The following SPAG16 variants were observed in gnomAD, a reference collection of about 807,000 sequenced individuals.
SPAG16 encodes sperm-associated antigen 16 protein.
Under a neutral mutation model 80.4 loss-of-function variants are expected in SPAG16, and 86 were observed. The ratio of observed to expected loss-of-function variants is 1.07; its 90% CI spans 0.90 to 1.28. The LOEUF is 1.28. SPAG16 is among the 50% of genes most tolerant of loss of function. The pLI is 0.00. For synonymous variants in SPAG16, 294 were observed against 265.9 expected (o/e 1.11, Z -1.03); for missense variants, 870 against 765.3 (o/e 1.14, Z -1.61).
intron 13 of SPAG16, among the ~76,000 whole-genome samples, chr2:214,095,397 A>G (rs947006518): frequency 6.6e-6 from 1 of 152,082 alleles, no homozygotes; most frequent in South Asian, 2.1e-4. Context: ...ACACGTGTCT[A>G]TCATACACGG....
chr2:214,197,976 T>C (rs945328198), intron 15 of SPAG16, among the ~76,000 whole-genome samples: 2 of 151,982 alleles, frequency 1.3e-5, no homozygotes, highest in African/African-American at 2.4e-5. Flanking sequence ...TGGGTGAAAA[T>C]GGCCCAAGGT....
intron 10 of SPAG16, among the ~76,000 whole-genome samples, chr2:213,625,949 CAA>C (rs1186040767): frequency 1.3e-5 from 2 of 152,098 alleles, no homozygotes; most frequent in African/African-American, 4.8e-5. Flanking sequence ...CTCGGTCTCC[CAA>C]AGTGCTGAGA....
chr2:213,862,659 A>T (rs761043600), intron 11 of SPAG16, 31 bp downstream of exon 11: 5 of 1,611,810 alleles, frequency 3.1e-6, no homozygotes, highest in Non-Finnish European at 4.2e-6. Flanking sequence ...GAAATAGCCT[A>T]ATCTCTCTAG....
At chr2:213,677,589 C>G (rs1031422073) in intron 10 of SPAG16, among the ~76,000 whole-genome samples, 4 of 152,000 alleles carry the variant, frequency 2.6e-5, no homozygotes, top group Non-Finnish European at 4.4e-5. Context: ...ATATATGCAC[C>G]CAATACAGGA....
chr2:214,027,571 A>G (rs2048198559), intron 13 of SPAG16, among the ~76,000 whole-genome samples: 1 of 151,824 alleles, frequency 6.6e-6, no homozygotes, highest in South Asian at 2.1e-4. Flanking sequence ...AGGATCTATA[A>G]GATGTTGACA....
intron 10 of SPAG16, among the ~76,000 whole-genome samples, chr2:213,834,595 G>A (rs1184526259): frequency 6.6e-6 from 1 of 152,070 alleles, no homozygotes; most frequent in African/African-American, 2.4e-5. Context: ...AGGTTTTATG[G>A]CTTGCTTTGT....
At chr2:214,260,692 G>A (rs28610955) in intron 15 of SPAG16, among the ~76,000 whole-genome samples, 51 of 152,222 alleles carry the variant, frequency 3.4e-4, no homozygotes, top group African/African-American at 1.2e-3. Flanking sequence ...CTGTTATCAT[G>A]TTTCTAATTT....
At chr2:213,676,006 T>C (rs894344716) in intron 10 of SPAG16, among the ~76,000 whole-genome samples, 46 of 152,224 alleles carry the variant, frequency 3.0e-4, no homozygotes, top group Non-Finnish European at 7.3e-5. Context: ...TATTGATTCT[T>C]CCTACCCATG....
intron 11 of SPAG16, among the ~76,000 whole-genome samples, chr2:213,922,067 C>A (rs2078249660): frequency 6.6e-6 from 1 of 152,084 alleles, no homozygotes; most frequent in Non-Finnish European, 1.5e-5. Context: ...GAATGTTGGT[C>A]TCTCTAGCAA....
intron 15 of SPAG16, among the ~76,000 whole-genome samples, chr2:214,267,938 A>G (rs1691701866): frequency 6.6e-6 from 1 of 151,926 alleles, no homozygotes; most frequent in Non-Finnish European, 1.5e-5. Flanking sequence ...CAAGAGGGTA[A>G]TAGCCAAAAT....
At chr2:214,257,390 C>G (rs1164630971) in intron 15 of SPAG16, among the ~76,000 whole-genome samples, 1 of 151,924 alleles carries the variant, frequency 6.6e-6, no homozygotes, top group Non-Finnish European at 1.5e-5. Flanking sequence ...CTATTGCGCT[C>G]TTAAGACCTC....
intron 14 of SPAG16, among the ~76,000 whole-genome samples, chr2:214,113,038 C>T (rs150906290): frequency 2.0e-3 from 299 of 152,268 alleles, no homozygotes; most frequent in Admixed American, 4.3e-3. Flanking sequence ...AATCTCTCAG[C>T]ATTTGCTTGT....
At chr2:213,990,127 G>A (rs2046205871) in intron 12 of SPAG16, among the ~76,000 whole-genome samples, 1 of 151,882 alleles carries the variant, frequency 6.6e-6, no homozygotes, top group South Asian at 2.1e-4. Context: ...ATCTTTATTT[G>A]TTGCTTCAAA....
intron 10 of SPAG16, among the ~76,000 whole-genome samples, chr2:213,844,243 A>G (rs2074502470): frequency 6.6e-6 from 1 of 152,218 alleles, no homozygotes; most frequent in African/African-American, 2.4e-5. Context: ...TTAGCGGGGA[A>G]GGAATATCCA....
chr2:213,580,293 C>G (rs1252210230), intron 10 of SPAG16, among the ~76,000 whole-genome samples: 1 of 152,096 alleles, frequency 6.6e-6, no homozygotes, highest in Non-Finnish European at 1.5e-5. Flanking sequence ...ACTTATTCAT[C>G]AAACTAAGAA....
At chr2:213,450,480 T>C (rs762071815) in intron 9 of SPAG16, among the ~76,000 whole-genome samples, 5 of 152,340 alleles carry the variant, frequency 3.3e-5, no homozygotes, top group East Asian at 1.9e-4. Context: ...GCTCTTTAGG[T>C]GTGCACATAT....
chr2:213,753,137 C>T (rs2068157533), intron 10 of SPAG16, among the ~76,000 whole-genome samples: 1 of 152,114 alleles, frequency 6.6e-6, no homozygotes, highest in South Asian at 2.1e-4. Context: ...CTCAGCCTCC[C>T]GAGTAGCTGG....
intron 15 of SPAG16, among the ~76,000 whole-genome samples, chr2:214,403,590 T>C (rs1454839086): frequency 2.0e-5 from 3 of 152,108 alleles, no homozygotes; most frequent in Non-Finnish European, 2.9e-5. Flanking sequence ...GCTGCTATAA[T>C]GGATATTACA....
intron 10 of SPAG16, among the ~76,000 whole-genome samples, chr2:213,610,144 A>T (rs993208419): frequency 6.6e-6 from 1 of 152,092 alleles, no homozygotes; most frequent in Non-Finnish European, 1.5e-5. Flanking sequence ...TAATATTTTT[A>T]AATATTTTAC....
Sources: allele counts gnomAD v4.1 joint callset (sites outside exome capture counted in the v4.1 genomes callset), GRCh38; gene constraint gnomAD v4.1.1; transcripts MANE v1.5; gene names NCBI Gene and HGNC (gene_info 2026-07-23, HGNC 2026-07-21).